HSD17B3: variants seen among roughly 807,000 people sequenced by gnomAD.
The protein encoded by HSD17B3 is 17-beta-hydroxysteroid dehydrogenase type 3.
A neutral mutation model predicts 41.1 loss-of-function variants in HSD17B3; 29 were observed. The observed-to-expected ratio is 0.71, with a 90% CI of 0.53 to 0.96. The LOEUF (loss-of-function observed/expected upper bound fraction) is 0.96, where lower values mean the gene tolerates loss of function less well. Among genes scored for constraint, HSD17B3 ranks in the 40% least tolerant of loss-of-function variants. The probability of loss-of-function intolerance (pLI) is 0.00; values close to 1 mark genes in which losing one functional copy is unlikely to be tolerated. For synonymous variants in HSD17B3, 126 were observed against 145.6 expected, an observed-to-expected ratio of 0.87 and a Z score of 0.97; for missense variants, 323 against 374.6, an observed-to-expected ratio of 0.86 and a Z score of 1.14.
At position 96,240,855 on chromosome 9, in the gene HSD17B3, T is replaced by C. The variant is rs1188833349; in HGVS notation, c.725A>G (p.Asn242Ser). ...CTCATCAGCAGTCTTGGTTATCACA[T>C]TTGTATTTAGATACTTTGTCATTGC... ...STAMTKYLNT[N>S]VITKTADEFV... is the part of the protein sequence containing the mutation. The change falls in exon 10 of 11, where the codon AAT (asparagine) becomes AGT (serine). Residue 242 changes from asparagine (N) to serine (S), a missense_variant. By Grantham distance (46) the Asn-to-Ser change is conservative (BLOSUM62 1). Coordinates refer to ENST00000375263, the MANE Select transcript of HSD17B3 (RefSeq NM_000197.2). 6.2e-7 allele frequency: 1 copy of C among 1,614,188 alleles called. No homozygotes were observed. Among genetic ancestry groups the C allele is most frequent in the Non-Finnish European group, 8.5e-7 (1 of 1,180,028 alleles).
chr9:96,294,263 T>A (rs1047971322), intron 2 of HSD17B3, among the ~76,000 whole-genome samples: 7 of 144,732 alleles, frequency 4.8e-5, no homozygotes, highest in South Asian at 2.2e-4. Flanking sequence ...AAAAAAAAAA[T>A]TAAATAAAAA....
intron 5 of HSD17B3, chr9:96,250,519 G>A (rs1446731359): frequency 5.9e-6 from 6 of 1,020,928 alleles, no homozygotes; most frequent in Non-Finnish European, 7.1e-6. Context: ...ATGAGAGCCT[G>A]TTCAGATTGG....
At chr9:96,242,009 A>AAGAG in intron 9 of HSD17B3, among the ~76,000 whole-genome samples, 1 of 135,682 alleles carries the variant, frequency 7.4e-6, no homozygotes, top group Non-Finnish European at 1.6e-5. Context: ...AAGAAAGAGA[A>AAGAG]AGAAAAGAAA....
At chr9:96,279,564 C>A (rs1329494071) in intron 2 of HSD17B3, among the ~76,000 whole-genome samples, 1 of 152,090 alleles carries the variant, frequency 6.6e-6, no homozygotes, top group African/African-American at 2.4e-5. Flanking sequence ...TATCAGACTC[C>A]CAGTTAATTC....
chr9:96,257,320 C>T (rs1825703727), intron 2 of HSD17B3, among the ~76,000 whole-genome samples: 1 of 152,084 alleles, frequency 6.6e-6, no homozygotes, highest in African/African-American at 2.4e-5. Context: ...TGCACAAATA[C>T]ATCCTCATTG....
At chr9:96,277,092 G>A (rs200221336) in intron 2 of HSD17B3, among the ~76,000 whole-genome samples, 1 of 151,746 alleles carries the variant, frequency 6.6e-6, no homozygotes, top group Non-Finnish European at 1.5e-5. Flanking sequence ...TCCCAGCTAC[G>A]CAGGAGGCTG....
chr9:96,236,385 C>T (rs993482454), intron 10 of HSD17B3, among the ~76,000 whole-genome samples: 10 of 151,716 alleles, frequency 6.6e-5, no homozygotes, highest in African/African-American at 9.7e-5. Flanking sequence ...GACATGGTGG[C>T]GCATGCCTGT....
At chr9:96,262,471 C>G (rs931145077) in intron 2 of HSD17B3, among the ~76,000 whole-genome samples, 8 of 151,754 alleles carry the variant, frequency 5.3e-5, no homozygotes, top group Non-Finnish European at 1.0e-4. Context: ...GTCTTGAACT[C>G]CTGACCTTGT....
At chr9:96,262,848 A>G (rs1825913009) in intron 2 of HSD17B3, among the ~76,000 whole-genome samples, 1 of 151,716 alleles carries the variant, frequency 6.6e-6, no homozygotes, top group African/African-American at 2.4e-5. Context: ...TTTATTTTCA[A>G]CCTCTCTGAA....
chr9:96,251,376 C>G (rs1825401366), intron 5 of HSD17B3, 42 bp downstream of exon 5: 3 of 1,558,900 alleles, frequency 1.9e-6, no homozygotes, highest in Non-Finnish European at 2.7e-6. Context: ...GGACCCAGAA[C>G]CTGGATAAGA....
chr9:96,281,738 C>T (rs1353572928), intron 2 of HSD17B3, among the ~76,000 whole-genome samples: 1 of 152,200 alleles, frequency 6.6e-6, no homozygotes, highest in African/African-American at 2.4e-5. Context: ...AACTTAAGAG[C>T]TGATGAGACT....
chr9:96,266,051 G>A (rs1826033989), intron 2 of HSD17B3, among the ~76,000 whole-genome samples: 2 of 152,138 alleles, frequency 1.3e-5, no homozygotes, highest in Admixed American at 6.5e-5. Context: ...GAGAGCACAC[G>A]AATAAGCAGC....
chr9:96,261,836 G>A (rs1825872919), intron 2 of HSD17B3, among the ~76,000 whole-genome samples: 1 of 152,212 alleles, frequency 6.6e-6, no homozygotes, highest in African/African-American at 2.4e-5. Flanking sequence ...GCTAGGCCAG[G>A]AAAGAGAGAA....
chr9:96,260,835 T>C (rs1564037169), intron 2 of HSD17B3, among the ~76,000 whole-genome samples: 1 of 152,080 alleles, frequency 6.6e-6, no homozygotes, highest in East Asian at 1.9e-4. Flanking sequence ...GTGAAAAGGA[T>C]TTCTTTGGTT....
In HSD17B3 at chr9:96,299,088, G is replaced by T. The variant is rs8190497; in HGVS notation, c.155-626C>A. Among the ~76,000 whole-genome samples the T allele has an allele frequency of 4.6e-3, 704 of 152,322 alleles. 8 individuals carry two copies. The highest frequency in any genetic ancestry group is 0.015 in the African/African-American group (626 of 41,564). On this transcript the variant is annotated intron_variant, in intron 1 of 10. Transcript: ENST00000375263. ...TAATATACAACAGTCAAATAGGTCT[G>T]CTAGTCCTTTCATATCAACATTACA...
At chr9:96,297,186 T>C (rs921407043) in intron 2 of HSD17B3, among the ~76,000 whole-genome samples, 4 of 152,078 alleles carry the variant, frequency 2.6e-5, no homozygotes, top group Admixed American at 2.6e-4. Flanking sequence ...GGTATTTTTT[T>C]CTCTTATTTG....
chr9:96,250,513 G>C, intron 5 of HSD17B3: 1 of 1,038,256 alleles, frequency 9.6e-7, no homozygotes, highest in South Asian at 4.6e-5. Flanking sequence ...GGAAGCATGA[G>C]AGCCTGTTCA....
At chr9:96,245,899 C>T (rs1008304330) in intron 7 of HSD17B3, among the ~76,000 whole-genome samples, 1 of 152,206 alleles carries the variant, frequency 6.6e-6, no homozygotes, top group Non-Finnish European at 1.5e-5. Flanking sequence ...CCTGCTCACA[C>T]AGATACCCTA....
At chr9:96,255,813 G>A (rs113627507) in intron 2 of HSD17B3, among the ~76,000 whole-genome samples, 3 of 152,188 alleles carry the variant, frequency 2.0e-5, no homozygotes, top group Admixed American at 6.5e-5. Flanking sequence ...GGGGAGCACA[G>A]GGTAGAGAGC....
Sources: gnomAD v4.1 joint callset for allele counts (sites outside exome capture counted in the v4.1 genomes callset) on GRCh38, gnomAD v4.1.1 for gene constraint, MANE v1.5 for transcripts, NCBI Gene and HGNC (gene_info 2026-07-23, HGNC 2026-07-21) for gene names.